ARMH1: variants seen among roughly 807,000 people sequenced by gnomAD.
ARMH1 encodes the protein armadillo-like helical domain containing protein 1.
ARMH1 carries 34 observed loss-of-function variants against 50.2 expected under a neutral mutation model. The observed-to-expected ratio is 0.68, with a 90% CI of 0.51 to 0.90. ARMH1 has a LOEUF of 0.90. ARMH1 is among the 40% of genes least tolerant of loss of function. ARMH1 has a pLI of 0.00. For synonymous variants in ARMH1, 221 were observed against 224.2 expected (o/e 0.99, Z 0.13); for missense variants, 538 against 553.9 (o/e 0.97, Z 0.29).
chr1:44,706,522 G>A (rs1395081704), intron 6 of ARMH1, among the ~76,000 whole-genome samples: 1 of 152,154 alleles, frequency 6.6e-6, no homozygotes, highest in Non-Finnish European at 1.5e-5. Flanking sequence ...TGAGGTTCAC[G>A]TACGCAAGTG....
chr1:44,703,510 G>A (rs1646187435), intron 5 of ARMH1, among the ~76,000 whole-genome samples: 1 of 147,954 alleles, frequency 6.8e-6, no homozygotes, highest in African/African-American at 2.5e-5. Flanking sequence ...ATCACTTGAG[G>A]TCAAGAACTC....
At position 44,724,740 on chromosome 1, in the gene ARMH1, C is replaced by T. The variant is rs1431477023; in HGVS notation, c.1051-22C>T. 2.0e-6 allele frequency: 3 copies of T among 1,519,060 alleles called. No homozygotes were observed. Among genetic ancestry groups the T allele is most frequent in the Non-Finnish European group, 2.6e-6 (3 of 1,137,774 alleles). The allele number at this position is 1,519,060 out of a possible 1,614,324, so 94.1% of individuals were successfully genotyped here. On this transcript the variant is annotated intron_variant, in intron 9 of 11. Transcript: ENST00000535358. The surrounding 1 kb of genome is among the most constrained non-coding windows in gnomAD (Gnocchi z 6.4). ...CAGCCCCGTCGCCCCCGCAGTCACG[C>T]CGCCTCGCCCGCGCGGCGCAGTGCT...
chr1:44,720,399 C>T lies in ARMH1; in HGVS notation c.725-3723C>T, dbSNP rs559756302. Among the ~76,000 whole-genome samples, 4 of 152,230 alleles carry T rather than the reference C, an allele frequency of 2.6e-5. No individual in the cohort carries two copies. In the East Asian group the frequency reaches 5.8e-4, roughly 22 times the overall value. The stretch of plus-strand genomic sequence containing the variant: ...GTTTCTAAGCGTGGTCCTAGGCTGC[C>T]ATGACCCAAGCCTCGCCTGTTGGAA... On this transcript the variant is annotated intron_variant, in intron 6 of 11. Transcript: ENST00000535358.
Position 44,724,841 on chromosome 1 carries a change from TA to T in ARMH1, c.1128+4del, listed in dbSNP as rs1648038074. 3 of 1,535,802 alleles carry T rather than the reference TA, an allele frequency of 2.0e-6. No individual in the cohort carries two copies. In the Admixed American group the frequency reaches 5.9e-5, roughly 30 times the overall value. ...GAGGAACTCTACCAGCTCTTCCTGG[TA>T]AGTGCGCCCTTCCTGCCCCGCCGCA... On this transcript the variant is annotated splice_donor_region_variant and intron_variant, in intron 10 of 11. Transcript: ENST00000535358. The surrounding 1 kb of genome is among the most constrained non-coding windows in gnomAD (Gnocchi z 6.4).
chr1:44,720,197 CAAAAA>C (rs35873369), intron 6 of ARMH1, among the ~76,000 whole-genome samples: 43 of 69,200 alleles, frequency 6.2e-4, no homozygotes, highest in African/African-American at 1.9e-3. Flanking sequence ...AACTCTGTCT[CAAAAA>C]AAAAAAAAAA....
Position 44,694,402 on chromosome 1 carries a change from T to TA in ARMH1, c.207-2697dup, listed in dbSNP as rs368941226. Among the ~76,000 whole-genome samples the TA allele has an allele frequency of 8.9e-3, 1,353 of 152,240 alleles. 25 individuals carry two copies. The highest frequency in any genetic ancestry group is 0.031 in the African/African-American group (1,273 of 41,556). ...GACTACCACATAGTCCCAATAAGCC[T>TA]AAACCCTTTTTTCAACCTTGAACTT... On this transcript the variant is annotated intron_variant, in intron 2 of 11. Transcript: ENST00000535358.
At chr1:44,686,205 A>T (rs2148590595) in intron 1 of ARMH1, among the ~76,000 whole-genome samples, 1 of 152,356 alleles carries the variant, frequency 6.6e-6, no homozygotes, top group East Asian at 1.9e-4. Context: ...TCAGTTACAG[A>T]TTGAACATTT....
intron 6 of ARMH1, among the ~76,000 whole-genome samples, chr1:44,705,215 G>T (rs1646287705): frequency 6.6e-6 from 1 of 151,946 alleles, no homozygotes; most frequent in Non-Finnish European, 1.5e-5. Context: ...AAGAGGCCAG[G>T]CATGGTGGCT....
intron 1 of ARMH1, among the ~76,000 whole-genome samples, chr1:44,679,310 A>C (rs1456216042): frequency 6.6e-6 from 1 of 152,228 alleles, no homozygotes; most frequent in African/African-American, 2.4e-5. Flanking sequence ...TCTTATGATC[A>C]AGCTGGTGAA....
At chr1:44,720,227 C>T (rs1647039838) in intron 6 of ARMH1, among the ~76,000 whole-genome samples, 1 of 148,552 alleles carries the variant, frequency 6.7e-6, no homozygotes, top group East Asian at 2.0e-4. Context: ...AAAAGTTGGC[C>T]ATGGGGTATA....
chr1:44,685,507 C>CA (rs1391811312), intron 1 of ARMH1, among the ~76,000 whole-genome samples: 2 of 151,916 alleles, frequency 1.3e-5, no homozygotes, highest in African/African-American at 4.8e-5. Context: ...ATGGAGGTCT[C>CA]ACTGTGTTGC....
chr1:44,683,088 A>C lies in ARMH1; in HGVS notation c.-22-6588A>C, dbSNP rs1177395288. ...CGGCAGTGGAGGTGAAGACAGACAG[A>C]CTGATCTCAGGGAAATTTAGGACAT... is the stretch of plus-strand genomic sequence containing the variant. On this transcript the variant is annotated intron_variant, in intron 1 of 11. Coordinates refer to ENST00000535358, the MANE Select transcript of ARMH1 (RefSeq NM_001145636.2). The surrounding 1 kb of genome is among the most constrained non-coding windows in gnomAD (Gnocchi z 4.2). Among the ~76,000 whole-genome samples the C allele has an allele frequency of 2.0e-5, 3 of 152,230 alleles. No individual in the cohort carries two copies. Among genetic ancestry groups the C allele is most frequent in the African/African-American group, 4.8e-5 (2 of 41,464 alleles).
chr1:44,684,570 A>G (rs149130952), intron 1 of ARMH1: 97 of 152,332 alleles, frequency 6.4e-4, no homozygotes, highest in African/African-American at 2.2e-3. Flanking sequence ...GGAGCTTACC[A>G]ACAAGAAACC....
intron 1 of ARMH1, among the ~76,000 whole-genome samples, chr1:44,680,432 C>A (rs1046955883): frequency 6.6e-6 from 1 of 152,204 alleles, no homozygotes; most frequent in Non-Finnish European, 1.5e-5. Context: ...CTTCAGCTTC[C>A]CAAAGTGCTG....
intron 6 of ARMH1, among the ~76,000 whole-genome samples, chr1:44,710,625 AAAAAG>A (rs1557551561): frequency 6.6e-6 from 1 of 151,904 alleles, no homozygotes; most frequent in African/African-American, 2.4e-5. Flanking sequence ...AAAAAAAAAA[AAAAAG>A]AAAAGAAATT....
intron 6 of ARMH1, among the ~76,000 whole-genome samples, chr1:44,719,649 A>G (rs375194934): frequency 6.6e-6 from 1 of 152,206 alleles, no homozygotes; most frequent in Non-Finnish European, 1.5e-5. Flanking sequence ...TTTAGGCAGC[A>G]TATGTCTGTT....
In ARMH1 at chr1:44,724,633, A is replaced by C; in HGVS notation, c.1015A>C (p.Ser339Arg). The C allele has an allele frequency of 6.6e-7, 1 of 1,506,104 alleles. No homozygotes were observed. Among genetic ancestry groups the C allele is most frequent in the Non-Finnish European group, 8.8e-7 (1 of 1,131,588 alleles). The allele number at this position is 1,506,104 out of a possible 1,614,324, so 93.3% of individuals were successfully genotyped here. Residue 339 changes from serine (S) to arginine (R), a missense_variant, in exon 9 of 12, where the codon AGC becomes CGC. Physicochemically the swap from Ser to Arg is moderately radical, Grantham distance 110. Transcript: ENST00000535358. This position sits in a 1 kb window ranked among gnomAD's most constrained non-coding sequence, Gnocchi z 6.4. ...GGCCGCCATGGGCAACACGGACCACAGCAACAGCCAGCGGCTGGCCAGCCT... is the reference window on the plus strand; with the variant it reads ...GGCCGCCATGGGCAACACGGACCACCGCAACAGCCAGCGGCTGGCCAGCCT... ...LMAAMGNTDH[S>R]NSQRLASLTL...
chr1:44,721,592 T>C (rs1647144257), intron 6 of ARMH1, among the ~76,000 whole-genome samples: 1 of 152,132 alleles, frequency 6.6e-6, no homozygotes, highest in African/African-American at 2.4e-5. Context: ...GGCCGGGCAC[T>C]ACAAAAAGTA....
intron 1 of ARMH1, among the ~76,000 whole-genome samples, chr1:44,680,469 C>T (rs1645272416): frequency 6.6e-6 from 1 of 152,200 alleles, no homozygotes; most frequent in East Asian, 1.9e-4. Context: ...CCACTGCGCC[C>T]AGCTGGGGCC....
Sources: gnomAD v4.1 joint callset for allele counts (sites outside exome capture counted in the v4.1 genomes callset) on GRCh38, gnomAD v4.1.1 for gene constraint, Gnocchi (gnomAD v3.1) non-coding constraint, MANE v1.5 for transcripts, NCBI Gene and HGNC (gene_info 2026-07-23, HGNC 2026-07-21) for gene names.